ZNRF3: variants seen among roughly 807,000 people sequenced by gnomAD.
ZNRF3 encodes the protein E3 ubiquitin-protein ligase ZNRF3.
Under a neutral mutation model 72.5 loss-of-function variants are expected in ZNRF3, and 23 were observed. The observed-to-expected ratio is 0.32, with a 90% CI of 0.23 to 0.45. The LOEUF (loss-of-function observed/expected upper bound fraction) is 0.45. Ranked by LOEUF, ZNRF3 falls within the 20% of genes least tolerant of loss-of-function variation. The pLI, the probability that ZNRF3 is intolerant of heterozygous loss-of-function variation, is 1.00. For missense variants in ZNRF3, 1,169 were observed against 1,272.1 expected, an observed-to-expected ratio of 0.92 and a Z score of 1.23; for synonymous variants, 610 against 545.3, an observed-to-expected ratio of 1.12 and a Z score of -1.65.
chr22:28,990,816 T>A (rs182296266), intron 2 of ZNRF3, among the ~76,000 whole-genome samples: 242 of 152,126 alleles, frequency 1.6e-3, no homozygotes, highest in Non-Finnish European at 2.1e-3. Flanking sequence ...GAGCTAAGAA[T>A]TTTGAAGGTT....
At chr22:28,907,075 C>T (rs1377018072) in intron 1 of ZNRF3, among the ~76,000 whole-genome samples, 6 of 151,684 alleles carry the variant, frequency 4.0e-5, no homozygotes, top group East Asian at 1.9e-4. Flanking sequence ...CTCCGCCTCC[C>T]GGGTTCAAGC....
chr22:28,952,076 C>T (rs1354756948), intron 1 of ZNRF3, among the ~76,000 whole-genome samples: 1 of 152,222 alleles, frequency 6.6e-6, no homozygotes, highest in African/African-American at 2.4e-5. Context: ...CCTGCGGGTT[C>T]CCAGCTGACC....
intron 2 of ZNRF3, among the ~76,000 whole-genome samples, chr22:29,006,142 A>G (rs1157188293): frequency 6.6e-6 from 1 of 151,466 alleles, no homozygotes. Context: ...TTATTGCACT[A>G]TATAGAGCCT....
intron 1 of ZNRF3, among the ~76,000 whole-genome samples, chr22:28,945,605 C>T (rs1047606960): frequency 4.0e-5 from 6 of 151,780 alleles, no homozygotes; most frequent in Admixed American, 6.6e-5. Context: ...TCTTGGCTCA[C>T]TGCAACCTCC....
At chr22:28,922,506 A>G (rs1363888924) in intron 1 of ZNRF3, among the ~76,000 whole-genome samples, 1 of 152,202 alleles carries the variant, frequency 6.6e-6, no homozygotes, top group Non-Finnish European at 1.5e-5. Flanking sequence ...GTTCTTGAAC[A>G]TACTTCTAAT....
chr22:29,041,215 A>T (rs2036956191), intron 2 of ZNRF3, among the ~76,000 whole-genome samples: 1 of 152,156 alleles, frequency 6.6e-6, no homozygotes, highest in African/African-American at 2.4e-5. Flanking sequence ...TGGTGCAATC[A>T]CAACCCAACC....
intron 2 of ZNRF3, chr22:29,024,976 C>CTTTTTTTTTTTTTTTTTTTTTTTTTT (rs134554): frequency 9.1e-6 from 1 of 110,458 alleles, no homozygotes. Flanking sequence ...CCCTGTGCTA[C>CTTTTTTTTTTTTTTTTTTTTTTTTTT]TTTTTTTTTT....
At chr22:29,047,160 G>A (rs2037090290) in intron 6 of ZNRF3, among the ~76,000 whole-genome samples, 1 of 152,172 alleles carries the variant, frequency 6.6e-6, no homozygotes, top group Admixed American at 6.5e-5. Flanking sequence ...GGGAGGCTGA[G>A]GTGGAAGGAT....
At chr22:29,007,911 C>A (rs1390691784) in intron 2 of ZNRF3, among the ~76,000 whole-genome samples, 3 of 151,900 alleles carry the variant, frequency 2.0e-5, no homozygotes, top group Non-Finnish European at 4.4e-5. Flanking sequence ...CGTGCACAAC[C>A]ATGCCTGGCT....
chr22:28,968,919 C>G (rs976699675), intron 1 of ZNRF3, among the ~76,000 whole-genome samples: 1 of 152,160 alleles, frequency 6.6e-6, no homozygotes, highest in African/African-American at 2.4e-5. Flanking sequence ...GTGTTTACTT[C>G]TCCAAGGACC....
intron 1 of ZNRF3, 129 bp downstream of exon 1, chr22:28,884,195 C>T: frequency 2.8e-6 from 2 of 706,704 alleles, no homozygotes; most frequent in Non-Finnish European, 3.5e-6. Context: ...AGGCCGGCGG[C>T]ATCCCTCCCC....
chr22:28,903,247 C>A (rs2034141830), intron 1 of ZNRF3, among the ~76,000 whole-genome samples: 1 of 152,204 alleles, frequency 6.6e-6, no homozygotes, highest in Non-Finnish European at 1.5e-5. Flanking sequence ...CACAGACACA[C>A]ACACGCACAG....
chr22:28,976,538 T>G (rs897213696), intron 1 of ZNRF3, among the ~76,000 whole-genome samples: 1 of 151,886 alleles, frequency 6.6e-6, no homozygotes, highest in Admixed American at 6.6e-5. Flanking sequence ...GCTTTGGAAT[T>G]TTTTTTCACT....
chr22:28,932,810 C>G (rs1318038041), intron 1 of ZNRF3, among the ~76,000 whole-genome samples: 1 of 152,208 alleles, frequency 6.6e-6, no homozygotes, highest in East Asian at 1.9e-4. Context: ...TGCACTTGAT[C>G]TCAGCTAAAA....
chr22:28,982,512 G>A (rs999343506), intron 1 of ZNRF3, among the ~76,000 whole-genome samples: 1 of 147,676 alleles, frequency 6.8e-6, no homozygotes, highest in Non-Finnish European at 1.5e-5. Context: ...GTTGCAGTAA[G>A]CTGTGATCAC....
chr22:29,048,237 T>C lies in ZNRF3; in HGVS notation c.913-152T>C. The C allele has an allele frequency of 1.7e-6, 1 of 595,154 alleles. No homozygotes were observed. Among genetic ancestry groups the C allele is most frequent in the Admixed American group, 3.0e-5 (1 of 33,872 alleles). 36.9% of individuals were successfully genotyped at this position (595,154 alleles called of 1,614,324 possible). ...CCTAGAACACATGGGTGGGCCCTGC[T>C]TCTAGGGAATTGAGCCCTAATTGGA... On this transcript the variant is annotated intron_variant, in intron 6 of 8. Coordinates refer to ENST00000544604, the MANE Select transcript of ZNRF3 (RefSeq NM_001206998.2). The surrounding 1 kb of genome is among the most constrained non-coding windows in gnomAD (Gnocchi z 4.9).
At chr22:28,913,905 G>C (rs2034363737) in intron 1 of ZNRF3, among the ~76,000 whole-genome samples, 1 of 152,084 alleles carries the variant, frequency 6.6e-6, no homozygotes, top group South Asian at 2.1e-4. Flanking sequence ...GGGCAGATAA[G>C]ATAGAGGAGT....
chr22:28,954,538 T>C (rs912118513), intron 1 of ZNRF3, among the ~76,000 whole-genome samples: 1 of 152,236 alleles, frequency 6.6e-6, no homozygotes, highest in Admixed American at 6.5e-5. Context: ...GTCATTTATT[T>C]AGTGTTTTTC....
intron 1 of ZNRF3, among the ~76,000 whole-genome samples, chr22:28,943,265 C>A (rs1474277969): frequency 6.6e-6 from 1 of 151,900 alleles, no homozygotes; most frequent in Non-Finnish European, 1.5e-5. Flanking sequence ...GGGAGCTGTA[C>A]CTTTGTGGTT....
Sources: allele counts gnomAD v4.1 joint callset (sites outside exome capture counted in the v4.1 genomes callset), GRCh38; gene constraint gnomAD v4.1.1; non-coding constraint Gnocchi (gnomAD v3.1); transcripts MANE v1.5; gene names NCBI Gene and HGNC (gene_info 2026-07-23, HGNC 2026-07-21).